Variants in WWOX observed in about 807,000 individuals in gnomAD.
The protein encoded by WWOX is WW domain-containing oxidoreductase.
Under a neutral mutation model 46.2 loss-of-function variants are expected in WWOX, and 69 were observed. The ratio of observed to expected loss-of-function variants is 1.49; its 90% CI spans 1.23 to 1.82. The LOEUF (loss-of-function observed/expected upper bound fraction) is 1.82, where lower values mean the gene tolerates loss of function less well. WWOX is among the 40% of genes most tolerant of loss of function. WWOX has a pLI of 0.00. For missense variants in WWOX, 919 were observed against 542.6 expected, an observed-to-expected ratio of 1.69 and a Z score of -6.89; for synonymous variants, 359 against 202.6, an observed-to-expected ratio of 1.77 and a Z score of -6.56.
At chr16:78,369,181 G>T (rs147032216) in intron 5 of WWOX, among the ~76,000 whole-genome samples, 1 of 151,998 alleles carries the variant, frequency 6.6e-6, no homozygotes, top group African/African-American at 2.4e-5. Context: ...TATGCTCAGG[G>T]CTTACTGTGT....
intron 8 of WWOX, among the ~76,000 whole-genome samples, chr16:78,713,178 A>G (rs927182895): frequency 6.9e-6 from 1 of 145,640 alleles, no homozygotes; most frequent in African/African-American, 2.6e-5. Flanking sequence ...AGGTTGAGGC[A>G]GGAGGATTGC....
intron 8 of WWOX, among the ~76,000 whole-genome samples, chr16:78,553,471 A>G (rs1410314163): frequency 1.3e-5 from 2 of 152,000 alleles, no homozygotes; most frequent in Non-Finnish European, 1.5e-5. Context: ...TTCGAGCCCA[A>G]TAAAGCCAGT....
intron 8 of WWOX, among the ~76,000 whole-genome samples, chr16:78,481,693 G>C (rs1027250390): frequency 6.7e-6 from 1 of 149,478 alleles, no homozygotes; most frequent in Admixed American, 6.7e-5. Flanking sequence ...ACTGTTTCAA[G>C]AATGCTATGA....
intron 8 of WWOX, among the ~76,000 whole-genome samples, chr16:79,168,795 C>G (rs1302636301): frequency 6.6e-6 from 1 of 152,124 alleles, no homozygotes; most frequent in African/African-American, 2.4e-5. Flanking sequence ...TTGTTTGTAT[C>G]CAGCTGAGAT....
intron 8 of WWOX, among the ~76,000 whole-genome samples, chr16:78,732,557 A>G (rs2048993696): frequency 6.6e-6 from 1 of 152,234 alleles, no homozygotes; most frequent in Non-Finnish European, 1.5e-5. Context: ...GTAGATTTAC[A>G]CTTCAAAGTC....
chr16:78,258,476 C>T (rs548706613), intron 5 of WWOX, among the ~76,000 whole-genome samples: 8 of 152,092 alleles, frequency 5.3e-5, no homozygotes, highest in South Asian at 2.1e-4. Flanking sequence ...TCGGATGCTA[C>T]GAGGGGTAAT....
At chr16:78,457,723 G>C (rs1016052374) in intron 8 of WWOX, among the ~76,000 whole-genome samples, 22 of 152,004 alleles carry the variant, frequency 1.4e-4, no homozygotes, top group African/African-American at 5.3e-4. Context: ...AGACCAGCTT[G>C]GCCAACATGG....
intron 8 of WWOX, among the ~76,000 whole-genome samples, chr16:79,040,167 C>T (rs952263428): frequency 9.9e-5 from 15 of 152,108 alleles, no homozygotes; most frequent in Non-Finnish European, 2.1e-4. Flanking sequence ...TAAAAAGAGC[C>T]CTTGGAAAAT....
At chr16:78,700,022 G>T (rs1312222424) in intron 8 of WWOX, among the ~76,000 whole-genome samples, 1 of 151,964 alleles carries the variant, frequency 6.6e-6, no homozygotes, top group Admixed American at 6.6e-5. Context: ...GCGGTGGGTG[G>T]ATACTTACAA....
rs923472837 is a variant in WWOX at position 78,862,102 on chromosome 16, C to G, written c.1057-349506C>G. On this transcript the variant is annotated intron_variant, in intron 8 of 8. Coordinates refer to ENST00000566780, the MANE Select transcript of WWOX (RefSeq NM_016373.4). ...TACACACCTACGGGTGTGTCTGTAT[C>G]TATACACACACCTATGGGTGTGTCT... Among the ~76,000 whole-genome samples, 7 of 151,758 alleles carry G rather than the reference C, an allele frequency of 4.6e-5. No homozygotes were observed. In the South Asian group the frequency reaches 1.2e-3, roughly 27 times the overall value.
intron 8 of WWOX, among the ~76,000 whole-genome samples, chr16:79,127,119 G>C (rs1255858891): frequency 6.6e-6 from 1 of 151,752 alleles, no homozygotes; most frequent in East Asian, 1.9e-4. Context: ...AAAATCAAAA[G>C]TAGAAGATAA....
chr16:78,319,495 C>T (rs1312064305), intron 5 of WWOX, among the ~76,000 whole-genome samples: 1 of 152,008 alleles, frequency 6.6e-6, no homozygotes, highest in East Asian at 1.9e-4. Flanking sequence ...CCCCTGGGCT[C>T]AAGCGGTCCT....
intron 8 of WWOX, among the ~76,000 whole-genome samples, chr16:78,882,132 A>G (rs1400780976): frequency 1.3e-5 from 2 of 152,214 alleles, no homozygotes; most frequent in Admixed American, 6.5e-5. Context: ...TTTACAAAAC[A>G]AAAACAAAGA....
chr16:78,332,949 T>A (rs1444435452), intron 5 of WWOX, among the ~76,000 whole-genome samples: 1 of 152,120 alleles, frequency 6.6e-6, no homozygotes, highest in African/African-American at 2.4e-5. Context: ...AACCATGTTC[T>A]GTTGCTCAGA....
chr16:78,230,779 G>A (rs138951075), intron 5 of WWOX, among the ~76,000 whole-genome samples: 5 of 152,362 alleles, frequency 3.3e-5, no homozygotes, highest in East Asian at 3.9e-4. Context: ...GCAGCTAGGA[G>A]TATAGACTAG....
chr16:79,166,648 C>T (rs749815571), intron 8 of WWOX, among the ~76,000 whole-genome samples: 3 of 152,122 alleles, frequency 2.0e-5, no homozygotes, highest in Non-Finnish European at 4.4e-5. Context: ...AGCAAACTAC[C>T]AATTTCATTT....
At chr16:78,797,689 G>T (rs1192697933) in intron 8 of WWOX, among the ~76,000 whole-genome samples, 3 of 152,116 alleles carry the variant, frequency 2.0e-5, no homozygotes, top group Non-Finnish European at 2.9e-5. Context: ...AAAATCTCCA[G>T]GCAAAAATCC....
At chr16:78,830,733 A>T (rs577367918) in intron 8 of WWOX, among the ~76,000 whole-genome samples, 1 of 151,692 alleles carries the variant, frequency 6.6e-6, no homozygotes, top group African/African-American at 2.4e-5. Context: ...GCCAAGCAGG[A>T]CGGCATCAGC....
intron 8 of WWOX, among the ~76,000 whole-genome samples, chr16:78,905,801 A>G (rs1446784900): frequency 6.6e-6 from 1 of 152,150 alleles, no homozygotes; most frequent in Non-Finnish European, 1.5e-5. Flanking sequence ...ACTTCTTAGA[A>G]CCATGAGCTA....
Sources: gnomAD v4.1 joint callset for allele counts (sites outside exome capture counted in the v4.1 genomes callset) on GRCh38, gnomAD v4.1.1 for gene constraint, MANE v1.5 for transcripts, NCBI Gene and HGNC (gene_info 2026-07-23, HGNC 2026-07-21) for gene names.